The following PDIA3 variants were observed in gnomAD, a reference collection of about 807,000 sequenced individuals.
PDIA3 encodes protein disulfide isomerase family A member 3.
A neutral mutation model predicts 56.9 loss-of-function variants in PDIA3; 16 were observed. That is an observed-to-expected ratio of 0.28 (90% confidence interval 0.19 to 0.43). The LOEUF (loss-of-function observed/expected upper bound fraction) is 0.43. Among genes scored for constraint, PDIA3 ranks in the 20% least tolerant of loss-of-function variants. PDIA3 has a pLI of 1.00. For synonymous variants in PDIA3, 192 were observed against 216.5 expected, an observed-to-expected ratio of 0.89 and a Z score of 0.99; for missense variants, 485 against 621.3, an observed-to-expected ratio of 0.78 and a Z score of 2.33.
intron 9 of PDIA3, 66 bp downstream of exon 9, chr15:43,768,663 T>G: frequency 9.3e-7 from 1 of 1,072,758 alleles, no homozygotes; most frequent in Non-Finnish European, 1.4e-6. Context: ...GTTCCAAAAC[T>G]GTGGGGTCTA....
At chr15:43,768,026 C>G (rs927158901) in intron 8 of PDIA3, among the ~76,000 whole-genome samples, 3 of 152,258 alleles carry the variant, frequency 2.0e-5, no homozygotes, top group Admixed American at 6.5e-5. Flanking sequence ...CCATTCCCCC[C>G]CCTCATCCCT....
intron 1 of PDIA3, 105 bp from the exon 2 acceptor site, chr15:43,753,719 A>G (rs534825853): frequency 3.4e-5 from 27 of 793,020 alleles, no homozygotes; most frequent in East Asian, 2.5e-4. Context: ...GGAAGTGTCT[A>G]CTAGCTCAAA....
intron 1 of PDIA3, chr15:43,746,955 T>A: frequency 3.6e-6 from 2 of 560,652 alleles, no homozygotes; most frequent in South Asian, 4.3e-5. Flanking sequence ...GGTGCTCTTG[T>A]GGCACTTCCT....
Position 43,761,513 on chromosome 15 carries a change from A to G in PDIA3, c.454A>G (p.Lys152Glu). 3.2e-6 allele frequency: 5 copies of G among 1,552,596 alleles called. No individual in the cohort carries two copies. Among genetic ancestry groups the G allele is most frequent in the South Asian group, 1.1e-5 (1 of 88,972 alleles). The change falls in exon 4 of 13, where the codon AAA (lysine) becomes GAA (glutamate). Residue 152 changes from lysine (K) to glutamate (E), a missense_variant. By Grantham distance (56) the Lys-to-Glu change is moderately conservative. Coordinates refer to ENST00000300289, the MANE Select transcript of PDIA3 (RefSeq NM_005313.5). The stretch of plus-strand genomic sequence containing the variant: ...AGAATTTAAGAAATTCATTAGTGAT[A>G]AAGATGCCTCTATAGTAGGTAAGTA... ...EEEFKKFISD[K>E]DASIVGFFDD... is the part of the protein sequence containing the mutation.
At chr15:43,762,164 A>G (rs942114008) in intron 4 of PDIA3, among the ~76,000 whole-genome samples, 1 of 152,228 alleles carries the variant, frequency 6.6e-6, no homozygotes, top group Admixed American at 6.5e-5. Flanking sequence ...TAAAAAATAA[A>G]TTTAAACATA....
Position 43,773,233 on chromosome 15 carries a change from A to G in PDIA3, c.*2015A>G, listed in dbSNP as rs1264157577. 6.2e-7 allele frequency: 1 copy of G among 1,613,782 alleles called. No homozygotes were observed. On this transcript the variant is annotated 3_prime_UTR_variant, in exon 13 of 13. Coordinates refer to ENST00000300289, the MANE Select transcript of PDIA3 (RefSeq NM_005313.5). ...CTCTGTAACTTGGGTACTGCTGCAG[A>G]GAAAAAGCATCCATGTCAAAAAGTA...
At chr15:43,759,576 G>T (rs1470564292) in intron 3 of PDIA3, among the ~76,000 whole-genome samples, 3 of 152,064 alleles carry the variant, frequency 2.0e-5, no homozygotes, top group Non-Finnish European at 4.4e-5. Context: ...AAAGAAGATA[G>T]TTGTACACCT....
Position 43,765,985 on chromosome 15 carries a change from C to T in PDIA3, c.818C>T (p.Ala273Val), listed in dbSNP as rs2086845428. The change falls in exon 7 of 13, where the codon GCT becomes GTT. Residue 273 changes from alanine (A) to valine (V), a missense_variant. Coordinates refer to ENST00000300289, the MANE Select transcript of PDIA3 (RefSeq NM_005313.5). ...TATGATGTGGACTATGAAAAGAACG[C>T]TAAAGGTTCCAACTACTGGAGAAAC... ...AYYDVDYEKN[A>V]KGSNYWRNRV... 12 of 1,613,444 alleles carry T rather than the reference C, an allele frequency of 7.4e-6. No individual in the cohort carries two copies. The highest frequency in any genetic ancestry group is 1.0e-5 in the Non-Finnish European group (12 of 1,179,690).
At chr15:43,769,366 T>C in intron 9 of PDIA3, 152 bp from the exon 10 acceptor site, 1 of 662,148 alleles carries the variant, frequency 1.5e-6, no homozygotes, top group South Asian at 1.9e-5. Flanking sequence ...AATGACAACA[T>C]CTTTAATACA....
chr15:43,759,982 G>A (rs536513041), intron 3 of PDIA3, among the ~76,000 whole-genome samples: 11 of 152,062 alleles, frequency 7.2e-5, no homozygotes, highest in Non-Finnish European at 1.6e-4. Context: ...CCAGCTACTC[G>A]GGAGGCTGAG....
At chr15:43,763,604 C>G (rs1037750493) in intron 5 of PDIA3, among the ~76,000 whole-genome samples, 3 of 152,108 alleles carry the variant, frequency 2.0e-5, no homozygotes. Context: ...TGAGTACTTT[C>G]AAGGCATTAT....
chr15:43,769,697 T>G, intron 10 of PDIA3, 51 bp downstream of exon 10: 1 of 1,593,176 alleles, frequency 6.3e-7, no homozygotes, highest in East Asian at 2.2e-5. Context: ...AGCAGTAAGT[T>G]TATGTATGTA....
chr15:43,769,457 A>G (rs1674767291), intron 9 of PDIA3, 61 bp from the exon 10 acceptor site: 6 of 1,535,528 alleles, frequency 3.9e-6, no homozygotes, highest in South Asian at 2.3e-5. Flanking sequence ...GTCTAGGAAC[A>G]AATACAGTTG....
In PDIA3 at chr15:43,746,552, C is replaced by G. The variant is rs2141639199; in HGVS notation, c.13C>G (p.Arg5Gly). 3 of 1,604,692 alleles carry G rather than the reference C, an allele frequency of 1.9e-6. No homozygotes were observed. The highest frequency in any genetic ancestry group is 1.7e-4 in the Middle Eastern group (1 of 5,910). The change falls in exon 1 of 13, where the codon CGC (arginine) becomes GGC (glycine). Residue 5 changes from arginine (R) to glycine (G), a missense_variant. Arg to Gly is a moderately radical substitution (Grantham distance 125). Coordinates refer to ENST00000300289, the MANE Select transcript of PDIA3 (RefSeq NM_005313.5). The part of the protein sequence containing the change: MRLR[R>G]LALFPGVALL... ...CCACCTCGCCGCCATGCGCCTCCGC[C>G]GCCTAGCGCTGTTCCCGGGTGTGGC...
At chr15:43,752,792 C>G (rs1196976303) in intron 1 of PDIA3, 5 of 470,860 alleles carry the variant, frequency 1.1e-5, no homozygotes, top group Non-Finnish European at 2.2e-5. Flanking sequence ...TTTTTGCTGT[C>G]TACGGGAAGG....
Position 43,771,690 on chromosome 15 carries a change from AT to A in PDIA3, c.*477del. 1 of 398,890 alleles carries A rather than the reference AT, an allele frequency of 2.5e-6. No individual in the cohort carries two copies. The highest frequency in any genetic ancestry group is 2.1e-5 in the African/African-American group (1 of 48,740). 24.7% of individuals were successfully genotyped at this position (398,890 alleles called of 1,614,324 possible). A position where few individuals can be genotyped will look rare whatever the true frequency, so the allele number is the denominator to read the frequency against. The stretch of plus-strand genomic sequence containing the variant: ...CATCTGAAATATGGCTAGAAACTAC[AT>A]TTTTGTTTTGATTAATTTAAATAGC... On this transcript the variant is annotated 3_prime_UTR_variant, in exon 13 of 13. Coordinates refer to ENST00000300289, the MANE Select transcript of PDIA3 (RefSeq NM_005313.5).
At chr15:43,748,245 AG>A (rs2086719728) in intron 1 of PDIA3, among the ~76,000 whole-genome samples, 1 of 152,190 alleles carries the variant, frequency 6.6e-6, no homozygotes, top group Non-Finnish European at 1.5e-5. Flanking sequence ...TGGGAGGCCG[AG>A]GCAGGCGGAT....
chr15:43,758,642 C>T (rs977088176), intron 3 of PDIA3, among the ~76,000 whole-genome samples: 51 of 129,614 alleles, frequency 3.9e-4, no homozygotes, highest in African/African-American at 1.3e-3. Flanking sequence ...TGGGGAACAA[C>T]GCAAGACTCC....
At chr15:43,759,541 A>C (rs576074036) in intron 3 of PDIA3, among the ~76,000 whole-genome samples, 1 of 152,282 alleles carries the variant, frequency 6.6e-6, no homozygotes, top group African/African-American at 2.4e-5. Flanking sequence ...CATATGAATA[A>C]TATTGAGGAC....
Sources: gnomAD v4.1 joint callset for allele counts (sites outside exome capture counted in the v4.1 genomes callset) on GRCh38, gnomAD v4.1.1 for gene constraint, MANE v1.5 for transcripts, NCBI Gene and HGNC (gene_info 2026-07-23, HGNC 2026-07-21) for gene names.